FASTKD1: variants seen among roughly 807,000 people sequenced by gnomAD.
The protein encoded by FASTKD1 is FAST kinase domains 1.
FASTKD1 carries 94 observed loss-of-function variants against 90.9 expected under a neutral mutation model. The observed-to-expected ratio is 1.03, with a 90% confidence interval of 0.88 to 1.23. The LOEUF (loss-of-function observed/expected upper bound fraction) is 1.23, where lower values mean the gene tolerates loss of function less well. Among genes scored for constraint, FASTKD1 ranks in the 50% most tolerant of loss-of-function variants. The pLI is 0.00. For synonymous variants in FASTKD1, 319 were observed against 345.8 expected (o/e 0.92, Z 0.86); for missense variants, 945 against 993.5 (o/e 0.95, Z 0.66).
chr2:169,561,222 C>G (rs1683580860), intron 4 of FASTKD1, among the ~76,000 whole-genome samples: 1 of 151,146 alleles, frequency 6.6e-6, no homozygotes, highest in South Asian at 2.1e-4. Context: ...CGCTTGAACC[C>G]AGGAGGCAGA....
At chr2:169,530,248 A>G (rs1684420626) in intron 14 of FASTKD1, among the ~76,000 whole-genome samples, 1 of 152,234 alleles carries the variant, frequency 6.6e-6, no homozygotes, top group South Asian at 2.1e-4. Flanking sequence ...TGTAAGATAT[A>G]GAAATCATAA....
intron 12 of FASTKD1, among the ~76,000 whole-genome samples, chr2:169,536,545 T>C (rs1390073193): frequency 6.6e-6 from 1 of 152,202 alleles, no homozygotes; most frequent in Non-Finnish European, 1.5e-5. Context: ...ACCAAGTTTA[T>C]AATCCTTTTA....
intron 3 of FASTKD1, among the ~76,000 whole-genome samples, chr2:169,568,182 C>T (rs1296334483): frequency 6.6e-6 from 1 of 152,152 alleles, no homozygotes; most frequent in African/African-American, 2.4e-5. Context: ...TGGTCATTGC[C>T]TCTCCTTAAA....
intron 2 of FASTKD1, among the ~76,000 whole-genome samples, chr2:169,570,303 A>C (rs1374585358): frequency 6.6e-6 from 1 of 152,180 alleles, no homozygotes; most frequent in African/African-American, 2.4e-5. Flanking sequence ...ATTTCCTTGC[A>C]AACAACATAT....
intron 9 of FASTKD1, 54 bp from the exon 10 acceptor site, chr2:169,540,233 A>G: frequency 7.1e-7 from 1 of 1,416,542 alleles, no homozygotes; most frequent in Non-Finnish European, 9.5e-7. Context: ...TTATATATAC[A>G]CTTATAATTT....
chr2:169,570,737 A>G (rs77790956), intron 2 of FASTKD1, among the ~76,000 whole-genome samples: 5,637 of 148,696 alleles, frequency 0.038, 126 homozygotes, highest in East Asian at 0.13. Flanking sequence ...GTAGAGTAGC[A>G]TGATCTGTGC....
chr2:169,534,124 T>C (rs1373486043), intron 12 of FASTKD1, among the ~76,000 whole-genome samples: 8 of 130,834 alleles, frequency 6.1e-5, no homozygotes, highest in African/African-American at 2.4e-4. Context: ...TGAACCGTGA[T>C]CATGCCACTG....
chr2:169,562,566 G>A (rs554297438), intron 4 of FASTKD1, among the ~76,000 whole-genome samples: 1 of 152,018 alleles, frequency 6.6e-6, no homozygotes, highest in East Asian at 1.9e-4. Flanking sequence ...TACTTCTTGG[G>A]TTTACTTCAT....
At chr2:169,561,970 T>C (rs1175456306) in intron 4 of FASTKD1, among the ~76,000 whole-genome samples, 1 of 125,314 alleles carries the variant, frequency 8.0e-6, no homozygotes, top group African/African-American at 3.0e-5. Context: ...TATTGTAAAT[T>C]AATTATTCAT....
chr2:169,538,457 A>C (rs1332528980), intron 10 of FASTKD1, among the ~76,000 whole-genome samples: 1 of 152,006 alleles, frequency 6.6e-6, no homozygotes, highest in Non-Finnish European at 1.5e-5. Flanking sequence ...TGGGCGGATC[A>C]CCTGAGGTCG....
intron 10 of FASTKD1, among the ~76,000 whole-genome samples, 182 bp from the exon 11 acceptor site, chr2:169,538,323 CATG>C (rs919277158): frequency 6.6e-6 from 1 of 152,104 alleles, no homozygotes; most frequent in African/African-American, 2.4e-5. Flanking sequence ...CATTCAGTGA[CATG>C]ATTAGGACCA....
At position 169,573,793 on chromosome 2, in the gene FASTKD1, C is replaced by T. The variant is rs754536058; in HGVS notation, c.-267G>A. 1 of 152,158 alleles carries T rather than the reference C, an allele frequency of 6.6e-6. No individual in the cohort carries two copies. The highest frequency in any genetic ancestry group is 1.5e-5 in the Non-Finnish European group (1 of 68,042). The allele number at this position is 152,158 out of a possible 1,614,324, so 9.4% of individuals were successfully genotyped here. On this transcript the variant is annotated 5_prime_UTR_variant, in exon 1 of 15. Transcript: ENST00000453153. ...AACAGGCTCGGATGTCTCGCCCAAC[C>T]CTCATATCTCAGGGTTTATAACCTT... is the stretch of plus-strand genomic sequence containing the variant.
intron 4 of FASTKD1, 117 bp from the exon 5 acceptor site, chr2:169,560,902 C>G (rs1229812691): frequency 3.3e-5 from 27 of 812,054 alleles, no homozygotes; most frequent in Non-Finnish European, 4.6e-5. Context: ...GGGCTGGTCT[C>G]AAACTCCTGG....
At chr2:169,553,795 A>C (rs1229598590) in intron 7 of FASTKD1, among the ~76,000 whole-genome samples, 2 of 151,948 alleles carry the variant, frequency 1.3e-5, no homozygotes, top group East Asian at 3.9e-4. Context: ...GGCGGCGGGC[A>C]CCTGTAGTCC....
chr2:169,553,222 A>T (rs987581598), intron 7 of FASTKD1, among the ~76,000 whole-genome samples: 1 of 150,770 alleles, frequency 6.6e-6, no homozygotes, highest in African/African-American at 2.4e-5. Context: ...AAATACAAAA[A>T]TAAAAATAAA....
rs1158292826 is a variant in FASTKD1, at chr2:169,547,884, C to CA, written c.1215-1181dup. On this transcript the variant is annotated intron_variant, in intron 7 of 14. Coordinates refer to ENST00000453153, the MANE Select transcript of FASTKD1 (RefSeq NM_024622.6). ...TGGGCGACAGAGGAAGACTCCATCT[C>CA]AAAAAAAAAAAAAAAAAAAAAAAAA... Among the ~76,000 whole-genome samples, 141 of 21,334 alleles carry CA rather than the reference C, an allele frequency of 6.6e-3. 23 individuals are homozygous for CA. The highest frequency in any genetic ancestry group is 8.9e-3 in the African/African-American group (75 of 8,400). The allele number at this position is 21,334 out of a possible 152,430, so 14.0% of individuals were successfully genotyped here. A position where few individuals can be genotyped will look rare whatever the true frequency, so the allele number is the denominator to read the frequency against.
In FASTKD1 at chr2:169,557,285, A is replaced by C; in HGVS notation, c.984T>G (p.Thr328=). 1 of 1,582,618 alleles carries C rather than the reference A, an allele frequency of 6.3e-7. No individual in the cohort carries two copies. The highest frequency in any genetic ancestry group is 8.6e-7 in the Non-Finnish European group (1 of 1,165,566). The change falls in exon 6 of 15, where the codon ACT becomes ACG. Residue 328 remains threonine, a synonymous_variant. Transcript: ENST00000453153. The part of the protein sequence containing the change: ...GPEEKKQLKS[T]MLLMSEDLTG... ...TTAGGTCCTCTGACATCAATAACAT[A>C]GTTGATTTAAGTCTAGAAGCAAAAA... is the stretch of plus-strand genomic sequence containing the variant.
rs1684373657 is a variant in FASTKD1, at chr2:169,529,188, C to A, written c.*637G>T. 6.6e-6 allele frequency among the ~76,000 whole-genome samples: 1 copy of A among 151,344 alleles called. No homozygotes were observed. Among genetic ancestry groups the A allele is most frequent in the Admixed American group, 6.6e-5 (1 of 15,160 alleles). On this transcript the variant is annotated 3_prime_UTR_variant, in exon 15 of 15. Coordinates refer to ENST00000453153, the MANE Select transcript of FASTKD1 (RefSeq NM_024622.6). ...TCTAAAACAAACTTGTGATCAACCC[C>A]CACCACCTGCCCCCCATCTTGCTCT...
intron 9 of FASTKD1, among the ~76,000 whole-genome samples, chr2:169,542,795 T>C (rs774694457): frequency 6.6e-6 from 1 of 152,146 alleles, no homozygotes; most frequent in Non-Finnish European, 1.5e-5. Context: ...AAACATCTAT[T>C]AAGGTTCTTA....
Sources: allele counts gnomAD v4.1 joint callset (sites outside exome capture counted in the v4.1 genomes callset), GRCh38; gene constraint gnomAD v4.1.1; transcripts MANE v1.5; gene names NCBI Gene and HGNC (gene_info 2026-07-23, HGNC 2026-07-21).